The following NSD2 variants were observed in gnomAD, a reference collection of about 807,000 sequenced individuals.
The protein encoded by NSD2 is nuclear receptor binding SET domain protein 2, also known as histone-lysine N-methyltransferase NSD2.
A neutral mutation model predicts 139.0 loss-of-function variants in NSD2; 12 were observed. That is an observed-to-expected ratio of 0.09 (90% CI 0.06 to 0.14). The LOEUF is 0.14. NSD2 is among the 10% of genes least tolerant of loss of function. The pLI is 1.00. For synonymous variants in NSD2, 669 were observed against 648.7 expected, an observed-to-expected ratio of 1.03 and a Z score of -0.48; for missense variants, 1,155 against 1,745.0, an observed-to-expected ratio of 0.66 and a Z score of 6.02.
chr4:1,967,005 A>G (rs1234096354), intron 18 of NSD2, among the ~76,000 whole-genome samples: 1 of 152,220 alleles, frequency 6.6e-6, no homozygotes, highest in Non-Finnish European at 1.5e-5. Flanking sequence ...TAAAAAGATC[A>G]ATAAAATTGA....
intron 3 of NSD2, among the ~76,000 whole-genome samples, chr4:1,913,053 C>T (rs1389743564): frequency 6.6e-6 from 1 of 152,186 alleles, no homozygotes; most frequent in Admixed American, 6.5e-5. Context: ...TAGTTTGTAG[C>T]ATTACTCTTT....
At chr4:1,884,209 C>T (rs777600254) in intron 1 of NSD2, among the ~76,000 whole-genome samples, 1 of 151,768 alleles carries the variant, frequency 6.6e-6, no homozygotes, top group East Asian at 1.9e-4. Context: ...CATCCTCCCA[C>T]CTCAGCCTCC....
In NSD2 at chr4:1,959,692, G is replaced by A; in HGVS notation, c.3207G>A (p.Lys1069=). The stretch of plus-strand genomic sequence containing the variant: ...AGTACCCAGAGACCAAGATCATCAA[G>A]ACAGATGGCAAAGGGTGGGGCCTGG... ...KRQYPETKII[K]TDGKGWGLVA... The change falls in exon 17 of 22, where the codon AAG becomes AAA. Residue 1069 remains lysine (K), a synonymous_variant. Transcript: ENST00000508803. 1 of 1,614,030 alleles carries A rather than the reference G, an allele frequency of 6.2e-7. No individual in the cohort carries two copies. The highest frequency in any genetic ancestry group is 1.3e-5 in the African/African-American group (1 of 75,022).
intron 1 of NSD2, among the ~76,000 whole-genome samples, chr4:1,891,864 A>G (rs917632072): frequency 2.7e-5 from 4 of 150,896 alleles, no homozygotes; most frequent in African/African-American, 9.8e-5. Context: ...CTCAAAAAAA[A>G]AAAAAAACAA....
At position 1,942,425 on chromosome 4, in the gene NSD2, T is replaced by G; in HGVS notation, c.1881+2647T>G. 1 of 1,603,630 alleles carries G rather than the reference T, an allele frequency of 6.2e-7. No homozygotes were observed. Among genetic ancestry groups the G allele is most frequent in the African/African-American group, 1.3e-5 (1 of 74,738 alleles). ...AGAATGATGTAATATTCCAGGATGC[T>G]GCTGCAGGTGGCGTATCATCGTACA... On this transcript the variant is annotated intron_variant, in intron 9 of 21. Transcript: ENST00000508803. This position sits in a 1 kb window ranked among gnomAD's most constrained non-coding sequence, Gnocchi z 4.0.
intron 20 of NSD2, 139 bp downstream of exon 20, chr4:1,975,539 G>A: frequency 5.8e-6 from 4 of 691,086 alleles, no homozygotes; most frequent in South Asian, 1.9e-5. Flanking sequence ...CCCTGCTGTG[G>A]GCTGGGGAGG....
Position 1,946,171 on chromosome 4 carries a change from CTG to C in NSD2, c.1882-4899_1882-4898del, listed in dbSNP as rs577348050. On this transcript the variant is annotated intron_variant, in intron 9 of 21. Coordinates refer to ENST00000508803, the MANE Select transcript of NSD2 (RefSeq NM_001042424.3). ...TCTTTTGCCAGAGAAACTGAGGTAA[CTG>C]TCATTAGAAAAGGTTTCTTAAAATA... The C allele has an allele frequency of 2.8e-3, 2,881 of 1,022,740 alleles. 3 individuals are homozygous for C. The highest frequency in any genetic ancestry group is 3.2e-3 in the Non-Finnish European group (2,709 of 852,224). 63.4% of individuals were successfully genotyped at this position (1,022,740 alleles called of 1,614,324 possible).
chr4:1,966,406 C>T (rs879681664), intron 18 of NSD2, among the ~76,000 whole-genome samples: 8 of 152,114 alleles, frequency 5.3e-5, no homozygotes, highest in Non-Finnish European at 1.2e-4. Flanking sequence ...CCTGTAATTC[C>T]AGCGCTTTGG....
chr4:1,924,914 G>A (rs1029212659), intron 5 of NSD2, among the ~76,000 whole-genome samples: 9 of 152,098 alleles, frequency 5.9e-5, no homozygotes, highest in African/African-American at 1.7e-4. Flanking sequence ...ATGACAGAGC[G>A]AGACCCTGTC....
rs1724265639 is a variant in NSD2 at position 1,951,519 on chromosome 4, CACACAA to C, written c.2013+318_2013+323del. ...ACACACACACACACACACACACACA[CACACAA>C]AGTTCCTGTTGGAAAAGGTGAGGTG... On this transcript the variant is annotated intron_variant, in intron 10 of 21. Transcript: ENST00000508803. 7.6e-5 allele frequency among the ~76,000 whole-genome samples: 10 copies of C among 131,614 alleles called. 1 individual carries two copies. Among genetic ancestry groups the C allele is most frequent in the Non-Finnish European group, 1.5e-4 (9 of 61,180 alleles). The allele number at this position is 131,614 out of a possible 152,430, so 86.3% of individuals were successfully genotyped here. A position where few individuals can be genotyped will look rare whatever the true frequency, so the allele number is the denominator to read the frequency against.
At chr4:1,878,235 A>G (rs1338622646) in intron 1 of NSD2, among the ~76,000 whole-genome samples, 1 of 27,422 alleles carries the variant, frequency 3.6e-5, no homozygotes, top group African/African-American at 1.7e-4. Flanking sequence ...TGATATATAT[A>G]TATATATATA....
intron 9 of NSD2, among the ~76,000 whole-genome samples, chr4:1,950,805 G>A (rs1007265760): frequency 6.6e-6 from 1 of 152,204 alleles, no homozygotes; most frequent in African/African-American, 2.4e-5. Context: ...TTCATTTTAA[G>A]GAATATGCCT....
chr4:1,899,661 G>A (rs1716903123), intron 1 of NSD2, among the ~76,000 whole-genome samples: 1 of 152,180 alleles, frequency 6.6e-6, no homozygotes, highest in South Asian at 2.1e-4. Flanking sequence ...ATTCCTAGCT[G>A]TGTTTTGGGG....
intron 7 of NSD2, among the ~76,000 whole-genome samples, chr4:1,937,662 T>A (rs1461202286): frequency 6.6e-6 from 1 of 152,210 alleles, no homozygotes; most frequent in Non-Finnish European, 1.5e-5. Context: ...CATTCTCCTG[T>A]CGCCTTGTCC....
intron 1 of NSD2, among the ~76,000 whole-genome samples, chr4:1,889,740 C>G (rs1715386999): frequency 6.6e-6 from 1 of 152,060 alleles, no homozygotes; most frequent in African/African-American, 2.4e-5. Flanking sequence ...CTCCTGACCT[C>G]AGGTGATACA....
intron 18 of NSD2, among the ~76,000 whole-genome samples, chr4:1,968,405 G>A (rs1726103880): frequency 6.6e-6 from 1 of 152,230 alleles, no homozygotes. Flanking sequence ...GGTGACGCCA[G>A]GGTGAGCTGC....
rs201986259 is a variant in NSD2 at position 1,957,288 on chromosome 4, G to GTTT, written c.2882-634_2882-632dup. On this transcript the variant is annotated intron_variant, in intron 15 of 21. Coordinates refer to ENST00000508803, the MANE Select transcript of NSD2 (RefSeq NM_001042424.3). ...CTCAGCTGCATGTTTTTTTGTTTTT[G>GTTT]TTTTTTTTTTTTTGAGACTGAGTCT... Among the ~76,000 whole-genome samples, 718 of 141,378 alleles carry GTTT rather than the reference G, an allele frequency of 5.1e-3. 4 individuals are homozygous for GTTT. The highest frequency in any genetic ancestry group is 0.018 in the African/African-American group (688 of 38,604). 92.7% of individuals were successfully genotyped at this position (141,378 alleles called of 152,430 possible). A position where few individuals can be genotyped will look rare whatever the true frequency, so the allele number is the denominator to read the frequency against.
At chr4:1,894,800 TAAA>T (rs1156926993) in intron 1 of NSD2, among the ~76,000 whole-genome samples, 2 of 152,200 alleles carry the variant, frequency 1.3e-5, no homozygotes, top group Non-Finnish European at 2.9e-5. Flanking sequence ...ATACGTAACA[TAAA>T]ATTTACCATT....
In NSD2 at chr4:1,918,571, A is replaced by G; in HGVS notation, c.1358A>G (p.Lys453Arg). 1 of 1,613,952 alleles carries G rather than the reference A, an allele frequency of 6.2e-7. No individual in the cohort carries two copies. The highest frequency in any genetic ancestry group is 1.1e-5 in the South Asian group (1 of 91,070). Residue 453 changes from lysine (K) to arginine (R), a missense_variant, in exon 5 of 22, where the codon AAG becomes AGG. Lys to Arg is a conservative substitution (Grantham distance 26). Coordinates refer to ENST00000508803, the MANE Select transcript of NSD2 (RefSeq NM_001042424.3). ...KTTVSMPRSR[K>R]GDAASQFLVF... is the part of the protein sequence containing the mutation. ...ACAGTCTCCATGCCACGAAGCAGGA[A>G]GGGAGATGCAGCATCCCAGTTTTTG...
Sources: allele counts gnomAD v4.1 joint callset (sites outside exome capture counted in the v4.1 genomes callset), GRCh38; gene constraint gnomAD v4.1.1; non-coding constraint Gnocchi (gnomAD v3.1); transcripts MANE v1.5; gene names NCBI Gene and HGNC (gene_info 2026-07-23, HGNC 2026-07-21).